Variants in MYOCOS observed in about 807,000 individuals in gnomAD.
MYOCOS encodes the protein myocilin opposite strand protein.
chr1:171,616,686 C>T (rs1652455727), intron 2 of MYOCOS, among the ~76,000 whole-genome samples: 1 of 152,150 alleles, frequency 6.6e-6, no homozygotes, highest in Non-Finnish European at 1.5e-5. Context: ...AAGTCAGCAG[C>T]TGATATATTG....
chr1:171,608,925 C>T (rs1652303549), intron 1 of MYOCOS, among the ~76,000 whole-genome samples: 1 of 152,132 alleles, frequency 6.6e-6, no homozygotes, highest in Non-Finnish European at 1.5e-5. Context: ...GTGCACATAG[C>T]CTCCACTATA....
At chr1:171,609,381 G>A (rs762663791) in intron 1 of MYOCOS, among the ~76,000 whole-genome samples, 8 of 152,142 alleles carry the variant, frequency 5.3e-5, no homozygotes, top group Non-Finnish European at 1.0e-4. Context: ...GACAAGATAA[G>A]CTCAAAGTGA....
chr1:171,605,251 G>T (rs1334143801), intron 1 of MYOCOS, among the ~76,000 whole-genome samples: 1 of 151,876 alleles, frequency 6.6e-6, no homozygotes, highest in East Asian at 1.9e-4. Context: ...GAATCACCCT[G>T]ATCATTTCTA....
At chr1:171,617,318 G>A (rs949282576), upstream of MYOCOS, among the ~76,000 whole-genome samples, 8 of 152,090 alleles carry the variant, frequency 5.3e-5, no homozygotes, top group South Asian at 2.1e-4. Flanking sequence ...AACCTGACAC[G>A]CGATTAAGTG....
Position 171,602,082 on chromosome 1 carries a change from GA to G in MYOCOS, c.-252+1010del, listed in dbSNP as rs1362700222. Among the ~76,000 whole-genome samples the G allele has an allele frequency of 4.6e-3, 697 of 150,302 alleles. 3 individuals are homozygous for G. The highest frequency in any genetic ancestry group is 0.015 in the African/African-American group (602 of 40,990). On this transcript the variant is annotated intron_variant, in intron 1 of 3. Transcript: ENST00000636697. ...AATAGTTATCTTCAAAAAATAAAGA[GA>G]AAAAAAAGGGGGGAGGCAGAATTTA...
intron 1 of MYOCOS, among the ~76,000 whole-genome samples, chr1:171,613,079 T>C (rs1558080219): frequency 6.6e-6 from 1 of 152,346 alleles, no homozygotes; most frequent in East Asian, 1.9e-4. Flanking sequence ...TCTTGAATGT[T>C]GTATTCCACA....
upstream of MYOCOS, among the ~76,000 whole-genome samples, chr1:171,620,405 G>A (rs1229077028): frequency 6.6e-6 from 1 of 152,052 alleles, no homozygotes; most frequent in Non-Finnish European, 1.5e-5. Context: ...ATTTTGAAAT[G>A]GTCATGCAAA....
At chr1:171,614,432 C>A (rs1476037556) in intron 1 of MYOCOS, among the ~76,000 whole-genome samples, 1 of 152,188 alleles carries the variant, frequency 6.6e-6, no homozygotes, top group Admixed American at 6.5e-5. Context: ...CCTCAGCTGA[C>A]CCTACTGGCA....
At chr1:171,606,128 T>C (rs1315181709) in intron 1 of MYOCOS, among the ~76,000 whole-genome samples, 2 of 152,206 alleles carry the variant, frequency 1.3e-5, no homozygotes, top group African/African-American at 2.4e-5. Flanking sequence ...ACTCTTATAA[T>C]AGGAGTTATA....
At chr1:171,619,218 C>A (rs1207309795), upstream of MYOCOS, among the ~76,000 whole-genome samples, 1 of 152,084 alleles carries the variant, frequency 6.6e-6, no homozygotes, top group Non-Finnish European at 1.5e-5. Context: ...TCCCAAATAG[C>A]GAATTTCTTC....
chr1:171,624,633 G>A (rs1652657096), intron 2 of MYOCOS, among the ~76,000 whole-genome samples: 2 of 151,800 alleles, frequency 1.3e-5, no homozygotes, highest in Non-Finnish European at 2.9e-5. Context: ...TTTTTTTTTA[G>A]TAGAGACGGG....
intron 1 of MYOCOS, among the ~76,000 whole-genome samples, chr1:171,602,491 TAAA>T (rs1345706385): frequency 6.6e-6 from 1 of 152,110 alleles, no homozygotes; most frequent in Non-Finnish European, 1.5e-5. Flanking sequence ...TAGCTAAAGT[TAAA>T]AAGGTATCAT....
chr1:171,615,107 T>C (rs1470209651), intron 2 of MYOCOS: 3 of 152,226 alleles, frequency 2.0e-5, no homozygotes, highest in Non-Finnish European at 2.9e-5. Flanking sequence ...GCTTTTACTC[T>C]GTGAAATAAA....
chr1:171,613,514 T>C (rs959409193), intron 1 of MYOCOS, among the ~76,000 whole-genome samples: 3 of 152,104 alleles, frequency 2.0e-5, no homozygotes, highest in African/African-American at 7.2e-5. Context: ...CTTGGCTTGC[T>C]GGGACTGAGA....
At chr1:171,613,286 C>A (rs978487789) in intron 1 of MYOCOS, among the ~76,000 whole-genome samples, 3 of 152,162 alleles carry the variant, frequency 2.0e-5, no homozygotes, top group Admixed American at 2.0e-4. Context: ...CCTAGATATT[C>A]ATCTGGTTGC....
upstream of MYOCOS, among the ~76,000 whole-genome samples, chr1:171,617,320 G>A (rs541434430): frequency 3.9e-5 from 6 of 152,196 alleles, no homozygotes; most frequent in African/African-American, 7.2e-5. Context: ...CCTGACACGC[G>A]ATTAAGTGAT....
At chr1:171,621,157 C>T (rs1221048074), upstream of MYOCOS, among the ~76,000 whole-genome samples, 2 of 152,100 alleles carry the variant, frequency 1.3e-5, no homozygotes, top group African/African-American at 2.4e-5. Flanking sequence ...AACTTGGGCA[C>T]GTGTTCTCAG....
chr1:171,619,533 AAC>A (rs1652515115), upstream of MYOCOS, among the ~76,000 whole-genome samples: 2 of 152,338 alleles, frequency 1.3e-5, no homozygotes, highest in Non-Finnish European at 2.9e-5. Flanking sequence ...GCAACAAACA[AAC>A]ACACACAAAA....
At chr1:171,605,619 C>T (rs1652230249) in intron 1 of MYOCOS, among the ~76,000 whole-genome samples, 1 of 152,156 alleles carries the variant, frequency 6.6e-6, no homozygotes, top group Non-Finnish European at 1.5e-5. Flanking sequence ...TTTCTTCTTA[C>T]TGCCCATAAA....
Sources: allele counts gnomAD v4.1 joint callset (sites outside exome capture counted in the v4.1 genomes callset), GRCh38; gene constraint gnomAD v4.1.1; transcripts MANE v1.5; gene names NCBI Gene and HGNC (gene_info 2026-07-23, HGNC 2026-07-21).